EXTL3: variants seen among roughly 807,000 people sequenced by gnomAD.
The protein encoded by EXTL3 is exostosin-like 3.
In EXTL3, 27 loss-of-function variants were observed where a neutral mutation model predicts 69.3. The ratio of observed to expected loss-of-function variants is 0.39; its 90% confidence interval spans 0.29 to 0.54. The LOEUF (loss-of-function observed/expected upper bound fraction) is 0.54. Ranked by LOEUF, EXTL3 falls within the 20% of genes least tolerant of loss-of-function variation. The probability of loss-of-function intolerance (pLI) is 0.69; values close to 1 mark genes in which losing one functional copy is unlikely to be tolerated. For synonymous variants in EXTL3, 511 were observed against 499.4 expected (o/e 1.02, Z -0.31); for missense variants, 1,003 against 1,231.8 (o/e 0.81, Z 2.78).
At chr8:28,699,236 G>A (rs1306985328), upstream of EXTL3, among the ~76,000 whole-genome samples, 1 of 152,144 alleles carries the variant, frequency 6.6e-6, no homozygotes, top group Non-Finnish European at 1.5e-5. Context: ...AGTGCTACTG[G>A]GCAGCAGGGC....
At chr8:28,622,025 G>A (rs1268635632), upstream of EXTL3, among the ~76,000 whole-genome samples, 1 of 151,986 alleles carries the variant, frequency 6.6e-6, no homozygotes, top group Non-Finnish European at 1.5e-5. Flanking sequence ...GGGCATGTAC[G>A]GGAAGAGTTC....
chr8:28,734,961 G>GA (rs1801614426), intron 4 of EXTL3, among the ~76,000 whole-genome samples: 1 of 152,084 alleles, frequency 6.6e-6, no homozygotes, highest in Non-Finnish European at 1.5e-5. Flanking sequence ...ACACATTTCT[G>GA]AAAAATTAGA....
chr8:28,748,516 A>G (rs573352700), intron 6 of EXTL3, among the ~76,000 whole-genome samples: 154 of 152,304 alleles, frequency 1.0e-3, no homozygotes, highest in African/African-American at 3.5e-3. Context: ...CCAGAAAGGA[A>G]GCAGGTGGGA....
intron 1 of EXTL3, among the ~76,000 whole-genome samples, chr8:28,664,129 T>C (rs935439745): frequency 1.2e-4 from 19 of 152,168 alleles, no homozygotes; most frequent in African/African-American, 4.6e-4. Flanking sequence ...AGACCCGGAT[T>C]TGGCGGGCTG....
chr8:28,745,085 C>A (rs1159843346), intron 6 of EXTL3, among the ~76,000 whole-genome samples: 1 of 152,102 alleles, frequency 6.6e-6, no homozygotes, highest in Non-Finnish European at 1.5e-5. Flanking sequence ...GTAGTCTCAG[C>A]TACTCAGGAG....
chr8:28,705,887 A>G (rs956780067), intron 1 of EXTL3, among the ~76,000 whole-genome samples: 1 of 152,246 alleles, frequency 6.6e-6, no homozygotes, highest in African/African-American at 2.4e-5. Context: ...GATAGGAAGA[A>G]TGCAGAAATC....
At chr8:28,674,562 C>T (rs112651775) in intron 1 of EXTL3, among the ~76,000 whole-genome samples, 6 of 152,202 alleles carry the variant, frequency 3.9e-5, no homozygotes, top group South Asian at 2.1e-4. Flanking sequence ...TACAGAAGGG[C>T]GGAAATTGCT....
At chr8:28,744,345 G>A (rs1241007589) in intron 6 of EXTL3, among the ~76,000 whole-genome samples, 1 of 152,188 alleles carries the variant, frequency 6.6e-6, no homozygotes, top group Non-Finnish European at 1.5e-5. Context: ...ACCTTCATGG[G>A]TGACATTGCC....
chr8:28,642,730 G>T (rs1806764167), intron 1 of EXTL3, among the ~76,000 whole-genome samples: 1 of 152,120 alleles, frequency 6.6e-6, no homozygotes, highest in African/African-American at 2.4e-5. Flanking sequence ...CAGATTGCAA[G>T]TAAGTGTTCT....
At chr8:28,700,931 G>A (rs1289440417), upstream of EXTL3, 2 of 152,280 alleles carry the variant, frequency 1.3e-5, no homozygotes, top group Admixed American at 1.3e-4. Context: ...CTTCTTTCCT[G>A]TCTTGTTTTG....
At chr8:28,641,849 T>G (rs1806748123) in intron 1 of EXTL3, among the ~76,000 whole-genome samples, 1 of 152,056 alleles carries the variant, frequency 6.6e-6, no homozygotes, top group African/African-American at 2.4e-5. Flanking sequence ...TTATTTGTTT[T>G]TCTTGAGACG....
At chr8:28,615,663 G>T (rs2130534936) in intron 2 of EXTL3, among the ~76,000 whole-genome samples, 1 of 152,198 alleles carries the variant, frequency 6.6e-6, no homozygotes, top group Admixed American at 6.5e-5. Flanking sequence ...CACCTCCTGG[G>T]TTCAAGAAAT....
chr8:28,633,078 C>T (rs943859757), intron 1 of EXTL3, among the ~76,000 whole-genome samples: 2 of 152,156 alleles, frequency 1.3e-5, no homozygotes, highest in Non-Finnish European at 2.9e-5. Context: ...GTGGCTCACA[C>T]TTGTAATCCC....
chr8:28,650,735 CA>C (rs1301623587), intron 1 of EXTL3, among the ~76,000 whole-genome samples: 1 of 152,102 alleles, frequency 6.6e-6, no homozygotes, highest in East Asian at 1.9e-4. Flanking sequence ...AGTTTCCATA[CA>C]GGTAGGAGTT....
rs1386936332 is a variant in EXTL3 at position 28,717,100 on chromosome 8, C to T, written c.1041C>T (p.Gly347=). Reference sequence around the variant, plus strand: ...GGAAATATCTCTTCACCTTCCAGGGCGAGAAGATTGAGTCTCTGAGGTCTA... The same window carrying T: ...GGAAATATCTCTTCACCTTCCAGGGTGAGAAGATTGAGTCTCTGAGGTCTA... The part of the protein sequence containing the change: ...VKRKYLFTFQ[G]EKIESLRSSL... Residue 347 remains glycine (G), a synonymous_variant, in exon 3 of 7, where the codon GGC becomes GGT. Coordinates refer to ENST00000220562, the MANE Select transcript of EXTL3 (RefSeq NM_001440.4). The surrounding 1 kb of genome is among the most constrained non-coding windows in gnomAD (Gnocchi z 8.3). 11 of 1,614,214 alleles carry T rather than the reference C, an allele frequency of 6.8e-6. No individual in the cohort carries two copies. The highest frequency in any genetic ancestry group is 2.2e-5 in the East Asian group (1 of 44,882).
At chr8:28,708,414 C>T (rs566866395) in intron 1 of EXTL3, among the ~76,000 whole-genome samples, 1 of 146,954 alleles carries the variant, frequency 6.8e-6, no homozygotes, top group East Asian at 2.0e-4. Flanking sequence ...AATTAGTTTC[C>T]CTGGGAAGTG....
chr8:28,655,301 A>C (rs1399297600), intron 1 of EXTL3, among the ~76,000 whole-genome samples: 3 of 152,118 alleles, frequency 2.0e-5, no homozygotes, highest in Non-Finnish European at 2.9e-5. Context: ...AGAAAGAAAA[A>C]AAATTCTGCA....
At chr8:28,625,306 A>G (rs1218898041) in intron 1 of EXTL3, among the ~76,000 whole-genome samples, 2 of 152,228 alleles carry the variant, frequency 1.3e-5, no homozygotes, top group African/African-American at 2.4e-5. Flanking sequence ...TGAAACAGAA[A>G]CATCTCTCAG....
chr8:28,683,909 A>G (rs540801225), intron 1 of EXTL3, among the ~76,000 whole-genome samples: 2 of 151,806 alleles, frequency 1.3e-5, no homozygotes, highest in East Asian at 1.9e-4. Context: ...CCCATTAACC[A>G]TCCCCCCTTT....
Sources: allele counts gnomAD v4.1 joint callset (sites outside exome capture counted in the v4.1 genomes callset), GRCh38; gene constraint gnomAD v4.1.1; non-coding constraint Gnocchi (gnomAD v3.1); transcripts MANE v1.5; gene names NCBI Gene and HGNC (gene_info 2026-07-23, HGNC 2026-07-21).